POLB: variants seen among roughly 807,000 people sequenced by gnomAD.
POLB encodes DNA polymerase beta, also known as 5'-dRP lyase.
POLB carries 37 observed loss-of-function variants against 52.7 expected under a neutral mutation model. The observed-to-expected ratio is 0.70, with a 90% CI of 0.54 to 0.92. The LOEUF (loss-of-function observed/expected upper bound fraction) is 0.92, where lower values mean the gene tolerates loss of function less well. POLB is among the 40% of genes least tolerant of loss of function. The pLI is 0.00. For synonymous variants in POLB, 138 were observed against 131.3 expected (o/e 1.05, Z -0.35); for missense variants, 313 against 400.8 (o/e 0.78, Z 1.87).
intron 9 of POLB, among the ~76,000 whole-genome samples, chr8:42,359,828 G>C (rs1823564412): frequency 6.6e-6 from 1 of 151,724 alleles, no homozygotes; most frequent in African/African-American, 2.4e-5. Context: ...TTTGTTGGTA[G>C]GCGGACAGTG....
At chr8:42,371,100 C>G (rs3136811) in intron 13 of POLB, among the ~76,000 whole-genome samples, 36,786 of 152,084 alleles carry the variant, frequency 0.24, 8,743 homozygotes, top group African/African-American at 0.62. Context: ...TCCAGCACAG[C>G]CTCCTGGGAG....
chr8:42,342,909 C>T (rs1822300283), intron 2 of POLB, among the ~76,000 whole-genome samples: 1 of 152,122 alleles, frequency 6.6e-6, no homozygotes, highest in Non-Finnish European at 1.5e-5. Flanking sequence ...TATCCAAGGG[C>T]TGCGTGTGGT....
intron 6 of POLB, among the ~76,000 whole-genome samples, chr8:42,352,879 A>T (rs939623372): frequency 6.6e-6 from 1 of 152,096 alleles, no homozygotes; most frequent in Non-Finnish European, 1.5e-5. Flanking sequence ...GTTCGAGACC[A>T]GTCTGGCCAA....
intron 6 of POLB, among the ~76,000 whole-genome samples, chr8:42,353,158 T>C (rs1225672149): frequency 6.6e-6 from 1 of 150,956 alleles, no homozygotes; most frequent in Non-Finnish European, 1.5e-5. Context: ...TTCAAATATC[T>C]AAATTGCCTT....
chr8:42,360,149 G>A (rs1823585800), intron 9 of POLB, among the ~76,000 whole-genome samples: 1 of 151,488 alleles, frequency 6.6e-6, no homozygotes, highest in Non-Finnish European at 1.5e-5. Context: ...TAGAAAAGGG[G>A]TTTCACCATG....
intron 5 of POLB, among the ~76,000 whole-genome samples, chr8:42,351,922 A>T (rs1405197081): frequency 2.0e-5 from 3 of 152,146 alleles, no homozygotes; most frequent in Non-Finnish European, 2.9e-5. Flanking sequence ...TCTCTTGAAC[A>T]GGCCAAGCTC....
At chr8:42,344,338 G>A (rs1373440603) in intron 2 of POLB, among the ~76,000 whole-genome samples, 6 of 151,476 alleles carry the variant, frequency 4.0e-5, no homozygotes, top group South Asian at 2.1e-4. Flanking sequence ...GCATGGTGGC[G>A]GGTACCTATA....
chr8:42,354,302 G>T, intron 6 of POLB: 1 of 393,190 alleles, frequency 2.5e-6, no homozygotes, highest in East Asian at 7.3e-5. Flanking sequence ...ATTTCATAAA[G>T]ATGCTTATTT....
chr8:42,343,364 ATATATAC>A (rs1822367147), intron 2 of POLB, among the ~76,000 whole-genome samples: 2 of 64,508 alleles, frequency 3.1e-5, no homozygotes, highest in South Asian at 5.3e-4. Context: ...ATATATATAT[ATATATAC>A]ACAAAATTAG....
chr8:42,356,755 A>G (rs766038029), intron 7 of POLB, among the ~76,000 whole-genome samples: 1 of 152,180 alleles, frequency 6.6e-6, no homozygotes, highest in Admixed American at 6.5e-5. Flanking sequence ...GTCTGAGTTT[A>G]TGTTGCAGGA....
At chr8:42,344,469 CAA>C (rs1247235035) in intron 2 of POLB, among the ~76,000 whole-genome samples, 16 of 105,402 alleles carry the variant, frequency 1.5e-4, no homozygotes, top group Admixed American at 2.9e-4. Flanking sequence ...AACTCCATCT[CAA>C]AAAAAAAAAA....
At chr8:42,370,279 T>C (rs1345058207) in intron 13 of POLB, 1 of 470,012 alleles carries the variant, frequency 2.1e-6, no homozygotes, top group Non-Finnish European at 4.0e-6. Context: ...TTTTTTTTTT[T>C]TTTTTGCTGT....
At chr8:42,338,892 G>A in intron 1 of POLB, 120 bp from the exon 2 acceptor site, 2 of 995,472 alleles carry the variant, frequency 2.0e-6, no homozygotes, top group African/African-American at 1.6e-5. Flanking sequence ...CTTTTGGTCT[G>A]GCCCTTGGAG....
At chr8:42,370,548 C>T (rs1012037653) in intron 13 of POLB, among the ~76,000 whole-genome samples, 8 of 151,456 alleles carry the variant, frequency 5.3e-5, no homozygotes, top group African/African-American at 1.7e-4. Flanking sequence ...TATAAAATAC[C>T]TCATCCCTGG....
Position 42,339,000 on chromosome 8 carries a change from G to C in POLB, c.62-12G>C, listed in dbSNP as rs745692155. On this transcript the variant is annotated splice_polypyrimidine_tract_variant and intron_variant, in intron 1 of 13. Transcript: ENST00000265421. ...TGGTTCTTGTTCACCCGAGCCTTCT[G>C]TTGCCTTTCAGAACTCGCAAACTTT... 1 of 1,612,536 alleles carries C rather than the reference G, an allele frequency of 6.2e-7. No homozygotes were observed. The highest frequency in any genetic ancestry group is 1.7e-5 in the Admixed American group (1 of 60,026).
intron 13 of POLB, chr8:42,370,258 GGTTT>G: frequency 2.6e-6 from 1 of 378,640 alleles, no homozygotes; most frequent in Non-Finnish European, 4.8e-6. Context: ...CATCTAAAAG[GGTTT>G]TTTTTTTTTT....
chr8:42,339,979 A>G (rs1424292917), intron 2 of POLB: 1 of 152,204 alleles, frequency 6.6e-6, no homozygotes, highest in Admixed American at 6.5e-5. Context: ...TTTATGGTGA[A>G]TCTTCTTGAA....
In POLB at chr8:42,361,531, G is replaced by A. The variant is rs3136772; in HGVS notation, c.621+166G>A. 3,240 of 608,772 alleles carry A rather than the reference G, an allele frequency of 5.3e-3. 63 individuals are homozygous for A. In the African/African-American group the frequency reaches 0.055, roughly 10 times the overall value. The allele number at this position is 608,772 out of a possible 1,614,324, so 37.7% of individuals were successfully genotyped here. A position where few individuals can be genotyped will look rare whatever the true frequency, so the allele number is the denominator to read the frequency against. On this transcript the variant is annotated intron_variant, in intron 10 of 13. Coordinates refer to ENST00000265421, the MANE Select transcript of POLB (RefSeq NM_002690.3). ...CTGCGAAAGGCAAATTTCTCGAAAA[G>A]GATACCTATTATTCTTCCATGAGTT...
rs1185940280 is a variant in POLB at position 42,369,853 on chromosome 8, A to C, written c.778A>C (p.Ile260Leu). The C allele has an allele frequency of 6.3e-7, 1 of 1,576,708 alleles. No individual in the cohort carries two copies. The highest frequency in any genetic ancestry group is 8.6e-7 in the Non-Finnish European group (1 of 1,163,922). The change falls in exon 13 of 14, where the codon ATA becomes CTA. Residue 260 changes from isoleucine (I) to leucine (L), a missense_variant. This residue lies in a region of POLB where 246 missense variants were observed against 297.6 expected (regional missense o/e 0.83). Coordinates refer to ENST00000265421, the MANE Select transcript of POLB (RefSeq NM_002690.3). ...TCTACTGTCCATTTTTTTTAGGTTGATACCCAAAGATCAGTATTACTGTGG... is the reference window on the plus strand; with the variant it reads ...TCTACTGTCCATTTTTTTTAGGTTGCTACCCAAAGATCAGTATTACTGTGG... Reference protein sequence around the residue: ...YPHRRIDIRLIPKDQYYCGVL... With the variant: ...YPHRRIDIRLLPKDQYYCGVL...
Sources: gnomAD v4.1 joint callset for allele counts (sites outside exome capture counted in the v4.1 genomes callset) on GRCh38, gnomAD v4.1.1 for gene constraint, gnomAD v4.1.1 regional missense constraint, MANE v1.5 for transcripts, NCBI Gene and HGNC (gene_info 2026-07-23, HGNC 2026-07-21) for gene names.